PIGG: variants seen among roughly 807,000 people sequenced by gnomAD.
The protein encoded by PIGG is GPI ethanolamine phosphate transferase 2, catalytic subunit.
In PIGG, 70 loss-of-function variants were observed where a neutral mutation model predicts 83.2. The observed-to-expected ratio is 0.84, with a 90% confidence interval of 0.69 to 1.03. The LOEUF (loss-of-function observed/expected upper bound fraction) is 1.03, where lower values mean the gene tolerates loss of function less well. Among genes scored for constraint, PIGG ranks in the 50% least tolerant of loss-of-function variants. PIGG has a pLI of 0.00. For synonymous variants in PIGG, 532 were observed against 519.5 expected (o/e 1.02, Z -0.33); for missense variants, 1,257 against 1,233.6 (o/e 1.02, Z -0.28).
In PIGG at chr4:508,774, T is replaced by A. The variant is rs891299404; in HGVS notation, c.760-55T>A. On this transcript the variant is annotated intron_variant, in intron 4 of 12. Coordinates refer to ENST00000453061, the MANE Select transcript of PIGG (RefSeq NM_001127178.3). ...AAAACCGAAAATTGTCTTCTTAAGATGATGTGCTCTCTTCAGTCTGAACGC... is the reference window on the plus strand; with the variant it reads ...AAAACCGAAAATTGTCTTCTTAAGAAGATGTGCTCTCTTCAGTCTGAACGC... The A allele has an allele frequency of 2.3e-5, 35 of 1,535,220 alleles. No homozygotes were observed. In the Admixed American group the frequency reaches 6.5e-4, roughly 29 times the overall value.
At chr4:504,890 G>A (rs1460605999) in intron 2 of PIGG, among the ~76,000 whole-genome samples, 2 of 152,164 alleles carry the variant, frequency 1.3e-5, no homozygotes, top group Admixed American at 6.5e-5. Context: ...CATTGAGGGT[G>A]GGAGCAGAAG....
At chr4:535,408 G>A (rs923944536) in intron 12 of PIGG, among the ~76,000 whole-genome samples, 6 of 152,334 alleles carry the variant, frequency 3.9e-5, no homozygotes, top group East Asian at 1.9e-4. Context: ...GCATTTCTGC[G>A]TGTGCTGAAA....
At chr4:526,131 C>T (rs1352105459) in intron 9 of PIGG, among the ~76,000 whole-genome samples, 1 of 152,188 alleles carries the variant, frequency 6.6e-6, no homozygotes, top group East Asian at 1.9e-4. Context: ...AGCCCACATT[C>T]ATATAATTTC....
rs1725796732 is a variant in PIGG, at chr4:521,284, TCA to T, written c.1332+16_1332+17del. ...GTCGTGGTTTTGGAGGTACAGATGC[TCA>T]CACAGTCATGGCTCAGGTGTTGCAT... is the stretch of plus-strand genomic sequence containing the variant. On this transcript the variant is annotated intron_variant, in intron 7 of 12. Transcript: ENST00000453061. 1 of 1,582,354 alleles carries T rather than the reference TCA, an allele frequency of 6.3e-7. No homozygotes were observed. Among genetic ancestry groups the T allele is most frequent in the Non-Finnish European group, 8.7e-7 (1 of 1,151,812 alleles).
At chr4:525,160 T>C in intron 9 of PIGG, 3 of 983,192 alleles carry the variant, frequency 3.1e-6, no homozygotes, top group Non-Finnish European at 3.6e-6. Flanking sequence ...TTCTCTCTCC[T>C]CATCCTGAAG....
At chr4:513,450 G>A (rs1351025079) in intron 5 of PIGG, among the ~76,000 whole-genome samples, 2 of 152,132 alleles carry the variant, frequency 1.3e-5, no homozygotes, top group Non-Finnish European at 2.9e-5. Flanking sequence ...TCCCTGTGTG[G>A]GCAGTACAGG....
intron 12 of PIGG, chr4:537,082 A>G (rs1045378017): frequency 1.3e-5 from 2 of 152,236 alleles, no homozygotes; most frequent in Non-Finnish European, 2.9e-5. Flanking sequence ...TTCCTAGTCA[A>G]GAAGCATTTC....
In PIGG at chr4:515,470, C is replaced by T. The variant is rs917091105; in HGVS notation, c.902-503C>T. 3.9e-5 allele frequency among the ~76,000 whole-genome samples: 6 copies of T among 152,252 alleles called. No homozygotes were observed. Among genetic ancestry groups the T allele is most frequent in the Admixed American group, 6.5e-5 (1 of 15,290 alleles). ...AGCTGAACCTGCCTCATTCTGCGCT[C>T]CCCTATAGAAGCACCCACAGCTGCC... On this transcript the variant is annotated intron_variant, in intron 5 of 12. Transcript: ENST00000453061. The surrounding 1 kb of genome is among the most constrained non-coding windows in gnomAD (Gnocchi z 4.2).
intron 5 of PIGG, among the ~76,000 whole-genome samples, chr4:513,181 G>A (rs1166248197): frequency 6.6e-6 from 1 of 152,222 alleles, no homozygotes; most frequent in Non-Finnish European, 1.5e-5. Flanking sequence ...ACTGTGAATG[G>A]TGGTAGTGGT....
chr4:531,754 G>T (rs368562115), intron 11 of PIGG: 12 of 152,562 alleles, frequency 7.9e-5, no homozygotes, highest in Admixed American at 2.6e-4. Context: ...GTGCTTCCCC[G>T]ACCCTTCTGA....
intron 12 of PIGG, among the ~76,000 whole-genome samples, chr4:534,826 C>T (rs1375512907): frequency 1.3e-5 from 2 of 152,074 alleles, no homozygotes; most frequent in Admixed American, 1.3e-4. Context: ...CCCATCCACA[C>T]ACCCGTTTCC....
At chr4:513,021 G>T (rs991895755) in intron 5 of PIGG, among the ~76,000 whole-genome samples, 5 of 152,186 alleles carry the variant, frequency 3.3e-5, no homozygotes, top group African/African-American at 1.2e-4. Flanking sequence ...CACCACAGGA[G>T]AGTTTCTGCC....
Position 500,613 on chromosome 4 carries a change from T to C in PIGG, c.360+12T>C. ...TGCCTCGAATCAAGGTAAGTTTGCC[T>C]TAATGTTTTATGAATCATGGTTTGG... is the stretch of plus-strand genomic sequence containing the variant. On this transcript the variant is annotated intron_variant, in intron 2 of 12. Transcript: ENST00000453061. 6.5e-7 allele frequency: 1 copy of C among 1,540,236 alleles called. No individual in the cohort carries two copies. The highest frequency in any genetic ancestry group is 9.0e-7 in the Non-Finnish European group (1 of 1,112,632).
rs1395740921 is a variant in PIGG, at chr4:539,302, TG to T, written c.2886del (p.Leu963SerfsTer25). 1.2e-5 allele frequency: 20 copies of T among 1,613,736 alleles called. No individual in the cohort carries two copies. The highest frequency in any genetic ancestry group is 1.6e-5 in the Non-Finnish European group (19 of 1,179,724). On this transcript the variant is annotated frameshift_variant, in exon 13 of 13. Coordinates refer to ENST00000453061, the MANE Select transcript of PIGG (RefSeq NM_001127178.3). LOFTEE classifies it low-confidence loss of function (END_TRUNC). The stretch of plus-strand genomic sequence containing the variant: ...AAACTTCTCTACGAGGGAATGCACC[TG>T]CTCATTACAGCTGCTGTCTGTGTAT... The part of the protein sequence containing the change: ...SPKLLYEGMH[L>X]LITAAVCVFF...
intron 10 of PIGG, among the ~76,000 whole-genome samples, chr4:529,585 C>T (rs572577663): frequency 1.9e-4 from 29 of 152,124 alleles, no homozygotes; most frequent in Non-Finnish European, 3.5e-4. Context: ...ATTTCATTTA[C>T]AAAATTTATT....
At position 533,819 on chromosome 4, in the gene PIGG, G is replaced by A; in HGVS notation, c.2573G>A (p.Gly858Asp). ...GTCAGCTCTTCTCCTGTATTCCAGG[G>A]CAACTCCAACAACATTGCCACCGTG... is the stretch of plus-strand genomic sequence containing the variant. ...WFGQAFFYFQ[G>D]NSNNIATVDI... is the part of the protein sequence containing the mutation. Residue 858 changes from glycine (G) to aspartate (D), a missense_variant and splice_region_variant, in exon 12 of 13, where the codon GGC becomes GAC. Transcript: ENST00000453061. 1 of 1,614,132 alleles carries A rather than the reference G, an allele frequency of 6.2e-7. No individual in the cohort carries two copies. Among genetic ancestry groups the A allele is most frequent in the Non-Finnish European group, 8.5e-7 (1 of 1,179,956 alleles).
At chr4:527,412 A>C in intron 10 of PIGG, 182 bp downstream of exon 10, 11 of 1,343,272 alleles carry the variant, frequency 8.2e-6, no homozygotes, top group African/African-American at 1.5e-5. Context: ...AGTGTAACTA[A>C]GAAAACCTCA....
intron 9 of PIGG, chr4:525,305 T>C (rs985882500): frequency 2.0e-6 from 2 of 985,154 alleles, no homozygotes; most frequent in Non-Finnish European, 2.4e-6. Flanking sequence ...GAAAAATAAC[T>C]AAGATTTGCC....
At chr4:537,996 A>G (rs1731083692) in intron 12 of PIGG, among the ~76,000 whole-genome samples, 1 of 151,692 alleles carries the variant, frequency 6.6e-6, no homozygotes, top group Non-Finnish European at 1.5e-5. Flanking sequence ...TGTGGGGCCC[A>G]GACACACATA....
Sources: gnomAD v4.1 joint callset for allele counts (sites outside exome capture counted in the v4.1 genomes callset) on GRCh38, gnomAD v4.1.1 for gene constraint, Gnocchi (gnomAD v3.1) non-coding constraint, MANE v1.5 for transcripts, NCBI Gene and HGNC (gene_info 2026-07-23, HGNC 2026-07-21) for gene names.